Variants in AR observed in about 807,000 individuals in gnomAD.
AR encodes dihydrotestosterone receptor.
AR carries 8 observed loss-of-function variants against 53.9 expected under a neutral mutation model. That is an observed-to-expected ratio of 0.15 (90% CI 0.09 to 0.27). The LOEUF is 0.27. Ranked by LOEUF, AR falls within the 10% of genes least tolerant of loss-of-function variation. The pLI is 1.00. For missense variants in AR, 639 were observed against 742.5 expected, an observed-to-expected ratio of 0.86 and a Z score of 1.62; for synonymous variants, 359 against 316.4, an observed-to-expected ratio of 1.13 and a Z score of -1.43.
intron 1 of AR, among the ~76,000 whole-genome samples, chrX:67,624,656 A>C (rs1924532795): frequency 9.1e-6 from 1 of 110,338 alleles, no homozygotes; most frequent in Non-Finnish European, 1.9e-5. Flanking sequence ...AGCAACAAAT[A>C]AAAAGGGTTA....
At chrX:67,626,623 TA>T in intron 1 of AR, among the ~76,000 whole-genome samples, 1 of 99,963 alleles carries the variant, frequency 1.0e-5, no homozygotes, top group Non-Finnish European at 2.0e-5. Flanking sequence ...TATATATATA[TA>T]TATATATATA....
At chrX:67,551,177 C>G (rs1929983867) in intron 1 of AR, among the ~76,000 whole-genome samples, 1 of 109,055 alleles carries the variant, frequency 9.2e-6, no homozygotes, top group Admixed American at 9.8e-5. Context: ...TGGCTACTTT[C>G]TCTCAGAGCC....
chrX:67,727,081 G>A lies in AR; in HGVS notation c.*3240G>A, dbSNP rs953769044. 1 of 172,800 alleles carries A rather than the reference G, an allele frequency of 5.8e-6. No homozygotes were observed. Among genetic ancestry groups the A allele is most frequent in the East Asian group, 8.3e-5 (1 of 12,117 alleles). 14.2% of individuals were successfully genotyped at this position (172,800 alleles called of 1,213,427 possible). On this transcript the variant is annotated 3_prime_UTR_variant, in exon 8 of 8. Transcript: ENST00000374690. ...AGTCAAAGAAAAGAGTCGTGTGGCA[G>A]TTTCAGCTCTCGTTCATTGGGCAGC...
chrX:67,597,063 G>A (rs1923115181), intron 1 of AR, among the ~76,000 whole-genome samples: 1 of 112,020 alleles, frequency 8.9e-6, no homozygotes, highest in Non-Finnish European at 1.9e-5. Flanking sequence ...TTGTTCAGAA[G>A]GTCATTTCAT....
At chrX:67,611,375 C>T (rs1233857935) in intron 1 of AR, among the ~76,000 whole-genome samples, 1 of 111,322 alleles carries the variant, frequency 9.0e-6, no homozygotes, top group Non-Finnish European at 1.9e-5. Flanking sequence ...TGTGAACTAA[C>T]TGTTCCTGGC....
At chrX:67,569,631 T>A (rs1921726186) in intron 1 of AR, among the ~76,000 whole-genome samples, 1 of 111,764 alleles carries the variant, frequency 8.9e-6, no homozygotes, top group Non-Finnish European at 1.9e-5. Context: ...TCTTTGTGTC[T>A]CTGTGCCTTC....
intron 1 of AR, among the ~76,000 whole-genome samples, chrX:67,560,269 C>A (rs1047202529): frequency 9.0e-6 from 1 of 111,273 alleles, no homozygotes; most frequent in Admixed American, 9.5e-5. Flanking sequence ...TTTCCCAAAG[C>A]CTTCTCAGTC....
intron 1 of AR, among the ~76,000 whole-genome samples, chrX:67,633,298 A>G (rs1005247650): frequency 9.9e-5 from 11 of 111,468 alleles, no homozygotes; most frequent in African/African-American, 3.3e-5. Flanking sequence ...ACCCTCCACC[A>G]TCAAGTAGGC....
rs957565417 is a variant in AR at position 67,663,662 on chromosome X, A to G, written c.1768+20255A>G. On this transcript the variant is annotated intron_variant, in intron 2 of 7. Transcript: ENST00000374690. ...TGTTCTCTGTATTTCCTGAATTTGA[A>G]TATTGGCCTGCCTTGCTAGATTGGG... Among the ~76,000 whole-genome samples, 48 of 111,847 alleles carry G rather than the reference A, an allele frequency of 4.3e-4. 1 individual carries two copies. Among genetic ancestry groups the G allele is most frequent in the African/African-American group, 1.5e-3 (46 of 30,762 alleles).
chrX:67,610,748 T>C (rs1923844843), intron 1 of AR, among the ~76,000 whole-genome samples: 1 of 111,942 alleles, frequency 8.9e-6, no homozygotes, highest in Admixed American at 9.5e-5. Flanking sequence ...TACTTTTTGT[T>C]TCCCTTACTA....
intron 3 of AR, among the ~76,000 whole-genome samples, chrX:67,690,612 T>A (rs1422089819): frequency 2.7e-5 from 3 of 112,207 alleles, no homozygotes; most frequent in Non-Finnish European, 5.6e-5. Context: ...ATCCATTTAC[T>A]CACCTATTTA....
At chrX:67,572,168 T>C (rs764516375) in intron 1 of AR, among the ~76,000 whole-genome samples, 1 of 111,744 alleles carries the variant, frequency 8.9e-6, no homozygotes. Flanking sequence ...GTTAGGGTAA[T>C]ATTCTGAGAT....
intron 1 of AR, among the ~76,000 whole-genome samples, chrX:67,577,387 G>T (rs1922103806): frequency 9.0e-6 from 1 of 110,951 alleles, no homozygotes; most frequent in Admixed American, 9.6e-5. Flanking sequence ...ATGGACATTT[G>T]GGTTGTTTTC....
chrX:67,555,780 G>A (rs979168769), intron 1 of AR, among the ~76,000 whole-genome samples: 11 of 112,298 alleles, frequency 9.8e-5, no homozygotes, highest in Admixed American at 5.6e-4. Flanking sequence ...CCGCTATTTG[G>A]CCGCTAGGGG....
rs145759180 is a variant in AR, at chrX:67,690,362, G to T, written c.1885+4236G>T. Among the ~76,000 whole-genome samples, 92 of 111,772 alleles carry T rather than the reference G, an allele frequency of 8.2e-4. No individual in the cohort carries two copies. In the East Asian group the frequency reaches 0.025, roughly 31 times the overall value. The stretch of plus-strand genomic sequence containing the variant: ...GCCATGGTCTGATGTCGTTATGGAC[G>T]CTATGAACATCCTTGCAGTTTCCAT... On this transcript the variant is annotated intron_variant, in intron 3 of 7. Transcript: ENST00000374690.
chrX:67,649,494 A>G (rs1478812054), intron 2 of AR, among the ~76,000 whole-genome samples: 1 of 111,835 alleles, frequency 8.9e-6, no homozygotes, highest in African/African-American at 3.2e-5. Context: ...CCCACCAACA[A>G]TGTAAAAGTG....
intron 1 of AR, among the ~76,000 whole-genome samples, chrX:67,559,992 A>G (rs925082530): frequency 3.6e-5 from 4 of 112,094 alleles, no homozygotes; most frequent in African/African-American, 1.3e-4. Flanking sequence ...TTAGACTGAG[A>G]TATTTCAGTC....
intron 2 of AR, among the ~76,000 whole-genome samples, chrX:67,663,360 A>C (rs185932415): frequency 1.7e-3 from 184 of 111,499 alleles, no homozygotes; most frequent in Non-Finnish European, 1.8e-3. Context: ...TCTGTAAAGG[A>C]TTTTATTTCT....
chrX:67,710,542 A>G (rs2147523207), intron 3 of AR, among the ~76,000 whole-genome samples: 1 of 110,712 alleles, frequency 9.0e-6, no homozygotes, highest in Admixed American at 9.6e-5. Flanking sequence ...GGTGTTGCTC[A>G]GGCTGATCTT....
Sources: gnomAD v4.1 joint callset for allele counts (sites outside exome capture counted in the v4.1 genomes callset) on GRCh38, gnomAD v4.1.1 for gene constraint, MANE v1.5 for transcripts, NCBI Gene and HGNC (gene_info 2026-07-23, HGNC 2026-07-21) for gene names.